PATJ: variants seen among roughly 807,000 people sequenced by gnomAD.
PATJ encodes PATJ crumbs cell polarity complex component.
In PATJ, 190 loss-of-function variants were observed where a neutral mutation model predicts 224.9. The observed-to-expected ratio is 0.84, with a 90% confidence interval of 0.75 to 0.95. The LOEUF (loss-of-function observed/expected upper bound fraction) is 0.95, where lower values mean the gene tolerates loss of function less well. Among genes scored for constraint, PATJ ranks in the 40% least tolerant of loss-of-function variants. PATJ has a pLI of 0.00. For synonymous variants in PATJ, 769 were observed against 820.3 expected, an observed-to-expected ratio of 0.94 and a Z score of 1.07; for missense variants, 2,121 against 2,270.3, an observed-to-expected ratio of 0.93 and a Z score of 1.34.
intron 33 of PATJ, among the ~76,000 whole-genome samples, chr1:62,101,332 C>T (rs138617631): frequency 2.0e-4 from 30 of 148,562 alleles, no homozygotes; most frequent in East Asian, 1.2e-3. Flanking sequence ...GACACAGTCT[C>T]GGCTCACTGC....
At chr1:62,120,325 T>G (rs1452927827) in intron 37 of PATJ, among the ~76,000 whole-genome samples, 1 of 152,220 alleles carries the variant, frequency 6.6e-6, no homozygotes, top group African/African-American at 2.4e-5. Flanking sequence ...TTTTAGGAAT[T>G]AAAATATTAA....
At chr1:61,978,185 T>C (rs980209516) in intron 27 of PATJ, among the ~76,000 whole-genome samples, 6 of 151,048 alleles carry the variant, frequency 4.0e-5, no homozygotes, top group African/African-American at 1.5e-4. Flanking sequence ...GTTTGGACTT[T>C]CATCTTCATA....
chr1:62,135,085 G>A (rs966523660), intron 41 of PATJ, among the ~76,000 whole-genome samples: 2 of 152,128 alleles, frequency 1.3e-5, no homozygotes, highest in Non-Finnish European at 2.9e-5. Flanking sequence ...ACCTGTTCCT[G>A]GGCCCCACCC....
rs1408095900 is a variant in PATJ at position 61,773,128 on chromosome 1, C to T, written c.720+1502C>T. On this transcript the variant is annotated intron_variant, in intron 6 of 43. Transcript: ENST00000642238. ...CCCCGCCTCCTGGGTTCAAGTGATT[C>T]TCCTGCCTCAGCCTCCTAAGTAGCT... is the stretch of plus-strand genomic sequence containing the variant. Among the ~76,000 whole-genome samples the T allele has an allele frequency of 2.0e-5, 3 of 152,030 alleles. No homozygotes were observed. In the South Asian group the frequency reaches 6.2e-4, roughly 31 times the overall value.
chr1:62,054,138 G>T, intron 31 of PATJ, among the ~76,000 whole-genome samples: 1 of 151,144 alleles, frequency 6.6e-6, no homozygotes, highest in Non-Finnish European at 1.5e-5. Context: ...ATTAATTCAA[G>T]ACAAGCCTAG....
intron 16 of PATJ, among the ~76,000 whole-genome samples, chr1:61,829,333 G>C (rs1192882875): frequency 6.6e-6 from 1 of 152,050 alleles, no homozygotes; most frequent in African/African-American, 2.4e-5. Context: ...TTTCAAGGAG[G>C]GTACTCAAAT....
At chr1:61,951,330 C>A (rs1342708576) in intron 27 of PATJ, among the ~76,000 whole-genome samples, 1 of 152,048 alleles carries the variant, frequency 6.6e-6, no homozygotes, top group African/African-American at 2.4e-5. Flanking sequence ...TTTATTATAA[C>A]TGTAAATTAA....
intron 22 of PATJ, among the ~76,000 whole-genome samples, chr1:61,888,377 C>T (rs1669169051): frequency 6.6e-6 from 1 of 152,116 alleles, no homozygotes; most frequent in African/African-American, 2.4e-5. Flanking sequence ...CCCAGGTTCA[C>T]ACCATCCTCC....
chr1:61,861,401 T>C (rs1392743394), intron 18 of PATJ, 150 bp from the exon 19 acceptor site: 6 of 411,276 alleles, frequency 1.5e-5, no homozygotes, highest in Non-Finnish European at 2.7e-5. Flanking sequence ...TAGGTATATG[T>C]GTGCATTGGT....
chr1:61,795,547 A>G lies in PATJ; in HGVS notation c.1249A>G (p.Lys417Glu). ...CAATGGCCACATTCAAGTGAATGAC[A>G]AAATAGTTGCTGTAAGTAACTCGCC... is the stretch of plus-strand genomic sequence containing the variant. ...YHNGHIQVND[K>E]IVAVDGVNIQ... Residue 417 changes from lysine (K) to glutamate (E), a missense_variant, in exon 10 of 44, where the codon AAA becomes GAA. Lys to Glu is a moderately conservative substitution (Grantham distance 56). Coordinates refer to ENST00000642238, the MANE Select transcript of PATJ (RefSeq NM_001350145.3). The G allele has an allele frequency of 6.2e-7, 1 of 1,604,784 alleles. No individual in the cohort carries two copies. Among genetic ancestry groups the G allele is most frequent in the Non-Finnish European group, 8.5e-7 (1 of 1,172,544 alleles).
intron 1 of PATJ, among the ~76,000 whole-genome samples, chr1:61,743,173 C>T (rs1644850654): frequency 6.6e-6 from 1 of 152,234 alleles, no homozygotes; most frequent in Non-Finnish European, 1.5e-5. Flanking sequence ...CGGTCAGGCC[C>T]TGGGCTCTGC....
chr1:61,897,103 G>A (rs925842179), intron 22 of PATJ, among the ~76,000 whole-genome samples: 1 of 152,062 alleles, frequency 6.6e-6, no homozygotes, highest in African/African-American at 2.4e-5. Flanking sequence ...GTAGATTTTT[G>A]TTATAAGTTC....
At chr1:61,903,034 G>A (rs1055184236) in intron 24 of PATJ, among the ~76,000 whole-genome samples, 1 of 152,186 alleles carries the variant, frequency 6.6e-6, no homozygotes, top group Non-Finnish European at 1.5e-5. Context: ...AGGGGTAAGA[G>A]AAAAGGGCTG....
intron 27 of PATJ, among the ~76,000 whole-genome samples, chr1:61,984,352 G>A (rs1308702322): frequency 6.6e-6 from 1 of 151,362 alleles, no homozygotes. Context: ...TAGAGACAGG[G>A]TTTCACTATA....
intron 41 of PATJ, among the ~76,000 whole-genome samples, chr1:62,137,549 G>A: frequency 6.8e-6 from 1 of 146,098 alleles, no homozygotes; most frequent in Non-Finnish European, 1.5e-5. Context: ...TGCCTCTGGA[G>A]GGGGGAACAC....
intron 28 of PATJ, among the ~76,000 whole-genome samples, chr1:61,994,913 T>C (rs570400003): frequency 6.6e-6 from 1 of 152,348 alleles, no homozygotes; most frequent in Non-Finnish European, 1.5e-5. Flanking sequence ...AGGTCAGAGA[T>C]GATAGAGAAT....
intron 14 of PATJ, among the ~76,000 whole-genome samples, chr1:61,815,239 G>A (rs1365691335): frequency 1.3e-5 from 2 of 152,148 alleles, no homozygotes; most frequent in Non-Finnish European, 2.9e-5. Flanking sequence ...TGTGTGTTGG[G>A]GGAATAGAAG....
rs557464862 is a variant in PATJ, at chr1:62,161,331, C to CTTTTTTTTTTTTTTTTTTTTTTTTTT, written c.*302_*303insTTTTTTTTTTTTTTTTTTTTTTTTTT. The CTTTTTTTTTTTTTTTTTTTTTTTTTT allele has an allele frequency of 1.1e-5, 1 of 92,682 alleles. No individual in the cohort carries two copies. The highest frequency in any genetic ancestry group is 2.0e-5 in the Non-Finnish European group (1 of 50,196). The allele number at this position is 92,682 out of a possible 1,614,324, so 5.7% of individuals were successfully genotyped here. A position where few individuals can be genotyped will look rare whatever the true frequency, so the allele number is the denominator to read the frequency against. ...GCATTTAATTTCAGTGTTCCGATTTCTTTTTTTTTTTTTTTTTTTTTTTTT... is the reference window on the plus strand; with the variant it reads ...GCATTTAATTTCAGTGTTCCGATTTCTTTTTTTTTTTTTTTTTTTTTTTTTTTTTTTTTTTTTTTTTTTTTTTTTTT... On this transcript the variant is annotated 3_prime_UTR_variant, in exon 44 of 44. Coordinates refer to ENST00000642238, the MANE Select transcript of PATJ (RefSeq NM_001350145.3).
At chr1:61,876,247 CAG>C (rs1223860771) in intron 21 of PATJ, among the ~76,000 whole-genome samples, 3 of 151,406 alleles carry the variant, frequency 2.0e-5, no homozygotes, top group Non-Finnish European at 4.4e-5. Flanking sequence ...TGGGTCAAAA[CAG>C]AGCATGGAAA....
Sources: gnomAD v4.1 joint callset for allele counts (sites outside exome capture counted in the v4.1 genomes callset) on GRCh38, gnomAD v4.1.1 for gene constraint, MANE v1.5 for transcripts, NCBI Gene and HGNC (gene_info 2026-07-23, HGNC 2026-07-21) for gene names.